The following RBM27 variants were observed in gnomAD, a reference collection of about 807,000 sequenced individuals.
The protein encoded by RBM27 is RNA binding motif protein 27.
A neutral mutation model predicts 135.3 loss-of-function variants in RBM27; 22 were observed. The observed-to-expected ratio is 0.16, with a 90% CI of 0.12 to 0.23. The LOEUF (loss-of-function observed/expected upper bound fraction) is 0.23, where lower values mean the gene tolerates loss of function less well. RBM27 is among the 10% of genes least tolerant of loss of function. The pLI, the probability that RBM27 is intolerant of heterozygous loss-of-function variation, is 1.00. For missense variants in RBM27, 1,009 were observed against 1,281.0 expected, an observed-to-expected ratio of 0.79 and a Z score of 3.24; for synonymous variants, 481 against 442.4, an observed-to-expected ratio of 1.09 and a Z score of -1.10.
chr5:146,274,678 A>G (rs1326892810), intron 19 of RBM27, among the ~76,000 whole-genome samples: 1 of 152,170 alleles, frequency 6.6e-6, no homozygotes, highest in Admixed American at 6.5e-5. Context: ...ATATTGATTG[A>G]TCTCGATCTT....
At chr5:146,225,873 G>T (rs752320933) in intron 3 of RBM27, among the ~76,000 whole-genome samples, 1 of 151,006 alleles carries the variant, frequency 6.6e-6, no homozygotes, top group Non-Finnish European at 1.5e-5. Flanking sequence ...CACCTTTCTG[G>T]TTTTTTTTAG....
chr5:146,272,481 G>C (rs1333059913), intron 19 of RBM27, among the ~76,000 whole-genome samples: 1 of 152,168 alleles, frequency 6.6e-6, no homozygotes, highest in African/African-American at 2.4e-5. Context: ...ACTCTGGGAG[G>C]CTGAGGCAGG....
At chr5:146,262,199 A>G (rs577867686) in intron 13 of RBM27, among the ~76,000 whole-genome samples, 11 of 152,236 alleles carry the variant, frequency 7.2e-5, no homozygotes, top group Non-Finnish European at 1.6e-4. Flanking sequence ...CTATAAATAT[A>G]CATATTTAAC....
chr5:146,232,013 G>C (rs1581167839), intron 6 of RBM27, among the ~76,000 whole-genome samples: 2 of 152,110 alleles, frequency 1.3e-5, no homozygotes, highest in African/African-American at 4.8e-5. Flanking sequence ...GAATGAATCG[G>C]TATGTGTGTA....
At chr5:146,237,175 G>A (rs747276358) in intron 7 of RBM27, 123 bp from the exon 8 acceptor site, 5 of 1,128,270 alleles carry the variant, frequency 4.4e-6, no homozygotes, top group Non-Finnish European at 6.4e-6. Flanking sequence ...CTGACCTCAG[G>A]TGATCCGCCT....
chr5:146,287,591 A>C lies in RBM27; in HGVS notation c.*1561A>C, dbSNP rs1759635618. ...AGGTAAAGACAATTTCTCAATATAG[A>C]AACTATTCACTAAGAACTTAAAACC... On this transcript the variant is annotated 3_prime_UTR_variant, in exon 21 of 21. Transcript: ENST00000265271. 6.6e-6 allele frequency: 1 copy of C among 152,192 alleles called. No homozygotes were observed. The highest frequency in any genetic ancestry group is 1.5e-5 in the Non-Finnish European group (1 of 68,026). The allele number at this position is 152,192 out of a possible 1,614,324, so 9.4% of individuals were successfully genotyped here. A position where few individuals can be genotyped will look rare whatever the true frequency, so the allele number is the denominator to read the frequency against.
At chr5:146,243,461 A>T (rs961382137) in intron 8 of RBM27, among the ~76,000 whole-genome samples, 4 of 152,160 alleles carry the variant, frequency 2.6e-5, no homozygotes, top group African/African-American at 9.7e-5. Context: ...TTACTCATTG[A>T]AGCATTTTGG....
At position 146,203,905 on chromosome 5, in the gene RBM27, G is replaced by A. The variant is rs1180062967; in HGVS notation, c.59+81G>A. Reference sequence around the variant, plus strand: ...GGGCGTGGGGGAGGGGAGGTGGCGTGGGGGGCGGCGCTGAGGGGCCGCGGC... The same window carrying A: ...GGGCGTGGGGGAGGGGAGGTGGCGTAGGGGGCGGCGCTGAGGGGCCGCGGC... On this transcript the variant is annotated intron_variant, in intron 1 of 20. Transcript: ENST00000265271. 7.9e-6 allele frequency: 10 copies of A among 1,261,760 alleles called. No individual in the cohort carries two copies. In the African/African-American group the frequency reaches 1.1e-4, roughly 14 times the overall value. The allele number at this position is 1,261,760 out of a possible 1,614,324, so 78.2% of individuals were successfully genotyped here.
chr5:146,271,442 C>G (rs1451355109), intron 18 of RBM27, 41 bp from the exon 19 acceptor site: 1 of 1,491,166 alleles, frequency 6.7e-7, no homozygotes, highest in East Asian at 2.3e-5. Flanking sequence ...AAGGTTTAGT[C>G]TAATAATGTA....
chr5:146,213,465 G>A (rs1756057500), intron 1 of RBM27, among the ~76,000 whole-genome samples: 1 of 151,612 alleles, frequency 6.6e-6, no homozygotes, highest in Non-Finnish European at 1.5e-5. Flanking sequence ...TTTTTAAGCT[G>A]TGGCTCAGAA....
intron 1 of RBM27, among the ~76,000 whole-genome samples, chr5:146,215,226 T>A (rs997207687): frequency 1.4e-4 from 21 of 152,092 alleles, no homozygotes; most frequent in Admixed American, 3.3e-4. Flanking sequence ...ATTTCTGTAT[T>A]TTTAGTAGAC....
intron 1 of RBM27, among the ~76,000 whole-genome samples, chr5:146,210,446 G>C (rs1368240313): frequency 6.6e-6 from 1 of 151,946 alleles, no homozygotes; most frequent in African/African-American, 2.4e-5. Flanking sequence ...TTACTTAAGG[G>C]GAAGATGAAA....
At chr5:146,238,700 T>G (rs1187736526) in intron 8 of RBM27, among the ~76,000 whole-genome samples, 3 of 151,972 alleles carry the variant, frequency 2.0e-5, no homozygotes, top group African/African-American at 4.8e-5. Flanking sequence ...TTTATGGATA[T>G]GTTCCTCTTT....
intron 14 of RBM27, among the ~76,000 whole-genome samples, chr5:146,266,590 G>T (rs1427373646): frequency 6.6e-6 from 1 of 152,118 alleles, no homozygotes; most frequent in African/African-American, 2.4e-5. Context: ...ATTTTCCATG[G>T]ATTTCTTCAT....
At chr5:146,275,023 A>G (rs899225979) in intron 19 of RBM27, among the ~76,000 whole-genome samples, 10 of 150,244 alleles carry the variant, frequency 6.7e-5, no homozygotes, top group Non-Finnish European at 1.2e-4. Flanking sequence ...ATGGATGAAC[A>G]TATTTTTCTT....
At chr5:146,225,140 G>A (rs748431245) in intron 3 of RBM27, among the ~76,000 whole-genome samples, 5 of 151,778 alleles carry the variant, frequency 3.3e-5, no homozygotes, top group Non-Finnish European at 5.9e-5. Flanking sequence ...TTTTGTTGTT[G>A]TTAAAGAGAC....
At chr5:146,277,937 G>C (rs1759163598) in intron 19 of RBM27, among the ~76,000 whole-genome samples, 1 of 152,106 alleles carries the variant, frequency 6.6e-6, no homozygotes, top group Non-Finnish European at 1.5e-5. Context: ...CAGTGTGACT[G>C]CCAAAATACC....
chr5:146,261,043 C>A, intron 12 of RBM27, 145 bp downstream of exon 12: 1 of 768,090 alleles, frequency 1.3e-6, no homozygotes, highest in Non-Finnish European at 2.1e-6. Flanking sequence ...ATCTATATAC[C>A]CACTTTTATG....
At chr5:146,270,426 T>C (rs1581231114) in intron 17 of RBM27, among the ~76,000 whole-genome samples, 3 of 152,278 alleles carry the variant, frequency 2.0e-5, no homozygotes, top group Non-Finnish European at 2.9e-5. Flanking sequence ...AAAATGTTTT[T>C]TATTGAAATC....
Sources: allele counts gnomAD v4.1 joint callset (sites outside exome capture counted in the v4.1 genomes callset), GRCh38; gene constraint gnomAD v4.1.1; transcripts MANE v1.5; gene names NCBI Gene and HGNC (gene_info 2026-07-23, HGNC 2026-07-21).